Variants in FOXP1 observed in about 807,000 individuals in gnomAD.
The protein encoded by FOXP1 is forkhead box protein P1.
In FOXP1, 15 loss-of-function variants were observed where a neutral mutation model predicts 98.2. The ratio of observed to expected loss-of-function variants is 0.15; its 90% CI spans 0.10 to 0.24. The LOEUF is 0.24. Ranked by LOEUF, FOXP1 falls within the 10% of genes least tolerant of loss-of-function variation. The pLI is 1.00. For synonymous variants in FOXP1, 371 were observed against 314.5 expected, an observed-to-expected ratio of 1.18 and a Z score of -1.90; for missense variants, 633 against 848.5, an observed-to-expected ratio of 0.75 and a Z score of 3.15.
chr3:71,096,913 C>A (rs1257930568), intron 7 of FOXP1, among the ~76,000 whole-genome samples: 1 of 152,080 alleles, frequency 6.6e-6, no homozygotes, highest in Non-Finnish European at 1.5e-5. Context: ...TATCTTAATG[C>A]ACGGATAGAT....
intron 19 of FOXP1, 160 bp downstream of exon 19, chr3:70,970,576 G>T: frequency 1.4e-6 from 1 of 709,268 alleles, no homozygotes; most frequent in East Asian, 2.6e-5. Context: ...GAAGCAGCCC[G>T]ATGTGTTTGC....
At chr3:71,137,798 A>AT (rs71104419) in intron 6 of FOXP1, among the ~76,000 whole-genome samples, 43 of 144,224 alleles carry the variant, frequency 3.0e-4, no homozygotes, top group African/African-American at 6.0e-4. Context: ...ATTTATTATT[A>AT]TTTTTTTTTT....
intron 5 of FOXP1, among the ~76,000 whole-genome samples, chr3:71,201,724 G>C (rs1271757085): frequency 6.6e-6 from 1 of 151,998 alleles, no homozygotes; most frequent in Admixed American, 6.6e-5. Flanking sequence ...AGAGTAGGTA[G>C]CAAGGAAATC....
intron 9 of FOXP1, among the ~76,000 whole-genome samples, chr3:71,052,296 G>A (rs1308268581): frequency 6.6e-6 from 1 of 152,072 alleles, no homozygotes; most frequent in Non-Finnish European, 1.5e-5. Context: ...CTCTGTCAAC[G>A]ATGCCTCTCC....
At chr3:70,995,104 T>C (rs2041183506) in intron 13 of FOXP1, among the ~76,000 whole-genome samples, 1 of 152,098 alleles carries the variant, frequency 6.6e-6, no homozygotes, top group South Asian at 2.1e-4. Flanking sequence ...CAACCACCAC[T>C]GCAACTTTTT....
At chr3:71,507,719 A>T (rs1160442542) in intron 2 of FOXP1, among the ~76,000 whole-genome samples, 3 of 152,072 alleles carry the variant, frequency 2.0e-5, no homozygotes, top group Non-Finnish European at 4.4e-5. Flanking sequence ...CTGGGACTAC[A>T]GGCACCTGCC....
At chr3:71,501,581 C>G (rs990415893) in intron 2 of FOXP1, among the ~76,000 whole-genome samples, 2 of 152,106 alleles carry the variant, frequency 1.3e-5, no homozygotes, top group African/African-American at 4.8e-5. Context: ...CGTGAGCCAC[C>G]GTGCCCAGCC....
intron 2 of FOXP1, among the ~76,000 whole-genome samples, chr3:71,505,705 G>A (rs10222594): frequency 0.26 from 39,049 of 151,932 alleles, 5,583 homozygotes; most frequent in Non-Finnish European, 0.33. Flanking sequence ...GATTACAGGC[G>A]TGAGCCACTG....
At chr3:71,344,873 C>A (rs1033020015) in intron 4 of FOXP1, among the ~76,000 whole-genome samples, 42 of 151,980 alleles carry the variant, frequency 2.8e-4, no homozygotes, top group Admixed American at 6.6e-5. Context: ...TTAGCTCTGA[C>A]TTCAGATTAG....
Position 70,956,688 on chromosome 3 carries a change from C to CCCTGTCTG in FOXP1, c.*2551_*2558dup. The stretch of plus-strand genomic sequence containing the variant: ...GAAGCACAGGGCCCCCTTCCCATGA[C>CCCTGTCTG]CCTGTCTGGCTACTGCCTGCACATC... On this transcript the variant is annotated 3_prime_UTR_variant, in exon 21 of 21. Coordinates refer to ENST00000649528, the MANE Select transcript of FOXP1 (RefSeq NM_001349338.3). 1 of 203,474 alleles carries CCCTGTCTG rather than the reference C, an allele frequency of 4.9e-6. No individual in the cohort carries two copies. Among genetic ancestry groups the CCCTGTCTG allele is most frequent in the East Asian group, 7.3e-5 (1 of 13,692 alleles). The allele number at this position is 203,474 out of a possible 1,614,324, so 12.6% of individuals were successfully genotyped here.
At chr3:71,553,815 T>G (rs1193877334) in intron 2 of FOXP1, among the ~76,000 whole-genome samples, 1 of 152,222 alleles carries the variant, frequency 6.6e-6, no homozygotes. Context: ...AAGTACTTAT[T>G]TGTATTCAAC....
At chr3:71,080,065 T>C (rs1226281476) in intron 7 of FOXP1, among the ~76,000 whole-genome samples, 1 of 152,240 alleles carries the variant, frequency 6.6e-6, no homozygotes, top group Non-Finnish European at 1.5e-5. Flanking sequence ...TTCTTGTGAA[T>C]CACTAGTATG....
At chr3:71,151,564 ATAGCCACCTCTGCAC>A (rs1334354566) in intron 6 of FOXP1, among the ~76,000 whole-genome samples, 1 of 152,136 alleles carries the variant, frequency 6.6e-6, no homozygotes, top group Non-Finnish European at 1.5e-5. Context: ...GGCAAGGGAT[ATAGCCACCTCTGCAC>A]TAGATAGAAA....
intron 2 of FOXP1, among the ~76,000 whole-genome samples, chr3:71,504,584 C>T (rs1159458294): frequency 2.0e-5 from 3 of 152,144 alleles, no homozygotes; most frequent in Admixed American, 6.5e-5. Flanking sequence ...AACAACCCGG[C>T]TCAGAGCTGT....
chr3:71,159,274 T>C (rs1212405435), intron 6 of FOXP1, among the ~76,000 whole-genome samples: 3 of 151,798 alleles, frequency 2.0e-5, no homozygotes, highest in Non-Finnish European at 2.9e-5. Flanking sequence ...GCAAGTAAAA[T>C]GATTAAGAGG....
chr3:71,001,764 A>G (rs1382782935), intron 12 of FOXP1, among the ~76,000 whole-genome samples: 1 of 152,214 alleles, frequency 6.6e-6, no homozygotes, highest in African/African-American at 2.4e-5. Context: ...GAAAAGGCTA[A>G]CAAATTGAAA....
chr3:71,006,270 T>TA (rs1212907715), intron 12 of FOXP1, among the ~76,000 whole-genome samples: 3 of 151,912 alleles, frequency 2.0e-5, no homozygotes, highest in Non-Finnish European at 4.4e-5. Flanking sequence ...ATAATAATAA[T>TA]AAAAAAATCT....
intron 5 of FOXP1, among the ~76,000 whole-genome samples, chr3:71,280,126 CAAA>C (rs56674677): frequency 0.18 from 18,880 of 104,648 alleles, 382 homozygotes; most frequent in Middle Eastern, 0.24. Flanking sequence ...CTGTCTCAAA[CAAA>C]AAAAAAAAAA....
chr3:71,230,244 A>G (rs1010921729), intron 5 of FOXP1, among the ~76,000 whole-genome samples: 1 of 152,196 alleles, frequency 6.6e-6, no homozygotes, highest in Non-Finnish European at 1.5e-5. Flanking sequence ...GTAGCTTTTC[A>G]AATGGATCGC....
Sources: gnomAD v4.1 joint callset for allele counts (sites outside exome capture counted in the v4.1 genomes callset) on GRCh38, gnomAD v4.1.1 for gene constraint, MANE v1.5 for transcripts, NCBI Gene and HGNC (gene_info 2026-07-23, HGNC 2026-07-21) for gene names.